The following COL4A5 variants were observed in gnomAD, a reference collection of about 807,000 sequenced individuals.
COL4A5 encodes the protein collagen type IV alpha 5 chain, also known as collagen alpha-5(IV) chain.
A neutral mutation model predicts 130.2 loss-of-function variants in COL4A5; 26 were observed. The observed-to-expected ratio is 0.20, with a 90% CI of 0.15 to 0.28. The LOEUF (loss-of-function observed/expected upper bound fraction) is 0.28, where lower values mean the gene tolerates loss of function less well. Among genes scored for constraint, COL4A5 ranks in the 10% least tolerant of loss-of-function variants. The pLI, the probability that COL4A5 is intolerant of heterozygous loss-of-function variation, is 1.00. For missense variants in COL4A5, 1,131 were observed against 1,344.3 expected, an observed-to-expected ratio of 0.84 and a Z score of 2.48; for synonymous variants, 496 against 439.6, an observed-to-expected ratio of 1.13 and a Z score of -1.60.
intron 1 of COL4A5, among the ~76,000 whole-genome samples, chrX:108,513,297 CA>C (rs1291971874): frequency 7.9e-5 from 8 of 101,216 alleles, no homozygotes; most frequent in South Asian, 4.3e-4. Flanking sequence ...GACTCTGTCT[CA>C]AAAAAAAAAA....
intron 30 of COL4A5, among the ~76,000 whole-genome samples, chrX:108,619,354 G>A (rs1403203712): frequency 5.4e-5 from 6 of 111,822 alleles, no homozygotes; most frequent in Non-Finnish European, 9.4e-5. Context: ...TCAACCCCTA[G>A]TTTCCAATTG....
At chrX:108,478,273 C>T (rs186491645) in intron 1 of COL4A5, among the ~76,000 whole-genome samples, 38 of 111,437 alleles carry the variant, frequency 3.4e-4, no homozygotes, top group Middle Eastern at 9.2e-3. Context: ...TCTTGACTTA[C>T]GGTTTAATGG....
intron 13 of COL4A5, 108 bp from the exon 14 acceptor site, chrX:108,580,425 T>C (rs1361121854): frequency 1.5e-6 from 1 of 649,897 alleles, no homozygotes; most frequent in Admixed American, 2.2e-5. Context: ...AACATAGATG[T>C]AGCTGTGGTT....
At chrX:108,664,268 A>C (rs1412735471) in intron 37 of COL4A5, among the ~76,000 whole-genome samples, 1 of 112,451 alleles carries the variant, frequency 8.9e-6, no homozygotes, top group Non-Finnish European at 1.9e-5. Context: ...AAAGACTAAT[A>C]TACAATAAAT....
At chrX:108,594,297 G>A (rs1383065406) in intron 21 of COL4A5, among the ~76,000 whole-genome samples, 1 of 110,790 alleles carries the variant, frequency 9.0e-6, no homozygotes, top group Non-Finnish European at 1.9e-5. Context: ...AATCTAACCG[G>A]TTCTGATCAT....
intron 1 of COL4A5, among the ~76,000 whole-genome samples, chrX:108,478,866 G>T (rs1778010860): frequency 8.9e-6 from 1 of 112,281 alleles, no homozygotes; most frequent in Non-Finnish European, 1.9e-5. Flanking sequence ...TTTTCCATAT[G>T]GAAGAGGTCC....
intron 36 of COL4A5, chrX:108,627,252 A>G: frequency 1.7e-6 from 1 of 593,458 alleles, no homozygotes; most frequent in Non-Finnish European, 2.0e-6. Flanking sequence ...TTATTAAAAA[A>G]TAATATAGAC....
chrX:108,501,629 A>G (rs1436563576), intron 1 of COL4A5, among the ~76,000 whole-genome samples: 1 of 112,177 alleles, frequency 8.9e-6, no homozygotes, highest in Non-Finnish European at 1.9e-5. Flanking sequence ...TTTGGTCCTA[A>G]TCAGAAAGCC....
At chrX:108,695,048 C>T (rs1248706011) in intron 51 of COL4A5, 127 bp downstream of exon 51, 5 of 670,652 alleles carry the variant, frequency 7.5e-6, no homozygotes, top group Non-Finnish European at 1.2e-5. Context: ...AGCTTCTATC[C>T]AAGCACTGTG....
intron 2 of COL4A5, among the ~76,000 whole-genome samples, chrX:108,552,177 C>A (rs1277138481): frequency 1.8e-5 from 2 of 111,140 alleles, no homozygotes; most frequent in Non-Finnish European, 3.8e-5. Flanking sequence ...ATGTAACAAA[C>A]CTGCACCTGT....
chrX:108,565,288 T>C (rs2065951019), intron 4 of COL4A5, among the ~76,000 whole-genome samples: 1 of 111,780 alleles, frequency 8.9e-6, no homozygotes, highest in Non-Finnish European at 1.9e-5. Flanking sequence ...TTGTGGAAAC[T>C]GATAAATGTA....
At chrX:108,534,324 T>G (rs781130224) in intron 1 of COL4A5, among the ~76,000 whole-genome samples, 3 of 111,846 alleles carry the variant, frequency 2.7e-5, no homozygotes, top group Middle Eastern at 4.6e-3. Flanking sequence ...CACAAAGATA[T>G]GCAATTAACC....
chrX:108,538,899 G>A (rs995055797), intron 1 of COL4A5, among the ~76,000 whole-genome samples: 1 of 111,764 alleles, frequency 8.9e-6, no homozygotes, highest in Non-Finnish European at 1.9e-5. Context: ...TCTGGCTTGA[G>A]GACCTCAATT....
chrX:108,665,644 G>C, intron 38 of COL4A5, 57 bp downstream of exon 38: 1 of 859,633 alleles, frequency 1.2e-6, no homozygotes, highest in Non-Finnish European at 1.7e-6. Flanking sequence ...ATCATATTAA[G>C]TTTGGGAAAG....
In COL4A5 at chrX:108,696,529, T is replaced by C; in HGVS notation, c.*151T>C. On this transcript the variant is annotated 3_prime_UTR_variant, in exon 53 of 53. Coordinates refer to ENST00000328300, the MANE Select transcript of COL4A5 (RefSeq NM_033380.3). ...AAGATAACATGCTGACTAGTAACCA[T>C]GAAGATTCAGATGTACCTCAGCAAT... 1 of 423,697 alleles carries C rather than the reference T, an allele frequency of 2.4e-6. No homozygotes were observed. 34.9% of individuals were successfully genotyped at this position (423,697 alleles called of 1,213,427 possible). A position where few individuals can be genotyped will look rare whatever the true frequency, so the allele number is the denominator to read the frequency against.
At chrX:108,581,086 C>A in intron 16 of COL4A5, 59 bp downstream of exon 16, 1 of 1,011,547 alleles carries the variant, frequency 9.9e-7, no homozygotes, top group Non-Finnish European at 1.4e-6. Context: ...GTTGGTATAA[C>A]ATAAGGTGGC....
chrX:108,450,230 G>A (rs892040599), intron 1 of COL4A5, among the ~76,000 whole-genome samples: 1 of 111,871 alleles, frequency 8.9e-6, no homozygotes, highest in African/African-American at 3.2e-5. Context: ...TTTGAGTTAC[G>A]AGCTGAACCA....
chrX:108,448,425 C>T (rs369457864), intron 1 of COL4A5, among the ~76,000 whole-genome samples: 1 of 111,981 alleles, frequency 8.9e-6, no homozygotes, highest in African/African-American at 3.2e-5. Flanking sequence ...TATAGGAGAA[C>T]TGGCTGGTTT....
intron 31 of COL4A5, among the ~76,000 whole-genome samples, chrX:108,621,080 C>G (rs760719413): frequency 6.5e-4 from 66 of 101,510 alleles, no homozygotes; most frequent in Non-Finnish European, 1.1e-3. Context: ...TTCTTTCTTT[C>G]TCTCTTCTCT....
Sources: allele counts gnomAD v4.1 joint callset (sites outside exome capture counted in the v4.1 genomes callset), GRCh38; gene constraint gnomAD v4.1.1; transcripts MANE v1.5; gene names NCBI Gene and HGNC (gene_info 2026-07-23, HGNC 2026-07-21).